Variants in CTNND2 observed in about 807,000 individuals in gnomAD.
CTNND2 encodes the protein catenin delta-2.
Under a neutral mutation model 144.4 loss-of-function variants are expected in CTNND2, and 22 were observed. That is an observed-to-expected ratio of 0.15 (90% CI 0.11 to 0.22). CTNND2 has a LOEUF of 0.22. CTNND2 is among the 10% of genes least tolerant of loss of function. The pLI, the probability that CTNND2 is intolerant of heterozygous loss-of-function variation, is 1.00. For missense variants in CTNND2, 1,353 were observed against 1,618.8 expected (o/e 0.84, Z 2.82); for synonymous variants, 751 against 695.6 (o/e 1.08, Z -1.25).
At chr5:11,589,235 T>C (rs769308577) in intron 2 of CTNND2, among the ~76,000 whole-genome samples, 1 of 151,802 alleles carries the variant, frequency 6.6e-6, no homozygotes. Flanking sequence ...TCCGTTCCTT[T>C]GCTTTGAATG....
chr5:11,631,467 G>A (rs905816863), intron 2 of CTNND2, among the ~76,000 whole-genome samples: 2 of 152,308 alleles, frequency 1.3e-5, no homozygotes, highest in South Asian at 4.1e-4. Context: ...AGGGAAGAGA[G>A]TCTGTGGCAT....
intron 9 of CTNND2, among the ~76,000 whole-genome samples, chr5:11,301,498 C>T (rs896721024): frequency 1.3e-5 from 2 of 152,126 alleles, no homozygotes; most frequent in Admixed American, 6.6e-5. Flanking sequence ...TTAAGACGAA[C>T]AACCACACAT....
intron 3 of CTNND2, among the ~76,000 whole-genome samples, chr5:11,416,336 A>G (rs1156910489): frequency 6.6e-6 from 1 of 152,212 alleles, no homozygotes; most frequent in African/African-American, 2.4e-5. Flanking sequence ...TGAATATAAA[A>G]CTGTCTTTCC....
chr5:11,233,138 A>T (rs577227090), intron 10 of CTNND2, among the ~76,000 whole-genome samples: 1 of 152,264 alleles, frequency 6.6e-6, no homozygotes, highest in East Asian at 1.9e-4. Context: ...ATTTCTTCAT[A>T]GCAGCATGAG....
At chr5:11,516,016 G>C (rs1426166078) in intron 3 of CTNND2, among the ~76,000 whole-genome samples, 1 of 152,018 alleles carries the variant, frequency 6.6e-6, no homozygotes, top group African/African-American at 2.4e-5. Flanking sequence ...TGCGTTGGGG[G>C]AGACTGCTTG....
chr5:11,369,729 G>A (rs767566552), intron 7 of CTNND2, among the ~76,000 whole-genome samples: 1 of 152,164 alleles, frequency 6.6e-6, no homozygotes, highest in Non-Finnish European at 1.5e-5. Flanking sequence ...GAAAAATGAG[G>A]CAGGGCAGTG....
At chr5:11,356,247 T>C (rs1325518799) in intron 8 of CTNND2, among the ~76,000 whole-genome samples, 1 of 151,884 alleles carries the variant, frequency 6.6e-6, no homozygotes, top group Non-Finnish European at 1.5e-5. Context: ...GCCAAAGCAA[T>C]CTTGAGCAAA....
At chr5:11,797,681 T>C (rs1010745181) in intron 1 of CTNND2, among the ~76,000 whole-genome samples, 1 of 152,210 alleles carries the variant, frequency 6.6e-6, no homozygotes, top group Non-Finnish European at 1.5e-5. Flanking sequence ...TAATAAACAA[T>C]TTTCAAACTT....
chr5:11,205,810 A>G (rs16901403), intron 10 of CTNND2, among the ~76,000 whole-genome samples: 2,333 of 152,272 alleles, frequency 0.015, 61 homozygotes, highest in African/African-American at 0.054. Context: ...CGATAGGTGA[A>G]CCAAGATGAG....
At chr5:11,870,561 C>T (rs1735017560) in intron 1 of CTNND2, among the ~76,000 whole-genome samples, 1 of 152,196 alleles carries the variant, frequency 6.6e-6, no homozygotes, top group Non-Finnish European at 1.5e-5. Context: ...TCTCCCTTGG[C>T]TCAATTCCCT....
Position 11,184,045 on chromosome 5 carries a change from C to T in CTNND2, c.1975+15403G>A, listed in dbSNP as rs574429629. Among the ~76,000 whole-genome samples the T allele has an allele frequency of 2.3e-4, 35 of 152,238 alleles. No homozygotes were observed. In the South Asian group the frequency reaches 6.8e-3, roughly 30 times the overall value. ...GCAAAGACTGAAACATAACAAAAAC[C>T]GCTAAAGTTAATGTCCAAGACTTCT... On this transcript the variant is annotated intron_variant, in intron 11 of 21. Coordinates refer to ENST00000304623, the MANE Select transcript of CTNND2 (RefSeq NM_001332.4).
chr5:11,081,725 T>C (rs1749591569), intron 16 of CTNND2, among the ~76,000 whole-genome samples: 1 of 152,160 alleles, frequency 6.6e-6, no homozygotes, highest in Admixed American at 6.5e-5. Context: ...GTGAAAAAAG[T>C]CAGACACAAA....
chr5:11,433,355 C>T (rs1042548642), intron 3 of CTNND2, among the ~76,000 whole-genome samples: 1 of 101,074 alleles, frequency 9.9e-6, no homozygotes, highest in African/African-American at 1.2e-4. Context: ...TGCTGATGCA[C>T]CTGATGCACA....
At chr5:11,879,356 TAC>T (rs1553988825) in intron 1 of CTNND2, among the ~76,000 whole-genome samples, 19 of 141,376 alleles carry the variant, frequency 1.3e-4, no homozygotes, top group Non-Finnish European at 2.5e-4. Flanking sequence ...TATATATATA[TAC>T]ATATACACAC....
rs556394561 is a variant in CTNND2, at chr5:11,386,345, G to C, written c.613-1116C>G. On this transcript the variant is annotated intron_variant, in intron 6 of 21. Coordinates refer to ENST00000304623, the MANE Select transcript of CTNND2 (RefSeq NM_001332.4). Reference sequence around the variant, plus strand: ...TGGGGAGGAGGACTCCAGAGAGATCGAGGGAAGGGAGGAAGAGAAGATTGA... The same window carrying C: ...TGGGGAGGAGGACTCCAGAGAGATCCAGGGAAGGGAGGAAGAGAAGATTGA... Among the ~76,000 whole-genome samples the C allele has an allele frequency of 4.6e-5, 7 of 152,248 alleles. No homozygotes were observed. In the East Asian group the frequency reaches 9.7e-4, roughly 21 times the overall value.
rs542468723 is a variant in CTNND2, at chr5:11,071,600, C to T, written c.2788+11096G>A. Among the ~76,000 whole-genome samples the T allele has an allele frequency of 8.6e-5, 13 of 150,590 alleles. No homozygotes were observed. In the East Asian group the frequency reaches 2.5e-3, roughly 29 times the overall value. On this transcript the variant is annotated intron_variant, in intron 16 of 21. Coordinates refer to ENST00000304623, the MANE Select transcript of CTNND2 (RefSeq NM_001332.4). ...AAAAAAAAAATGAGGCAGCAGAGTT[C>T]ACTTTGTGTCATTCACATCAGGAAA...
intron 1 of CTNND2, among the ~76,000 whole-genome samples, chr5:11,768,944 T>A (rs115667775): frequency 4.6e-5 from 7 of 152,294 alleles, no homozygotes; most frequent in Non-Finnish European, 7.4e-5. Context: ...GTTAACATAA[T>A]CCAGCCCATT....
chr5:11,311,113 A>ACCCTCACCTCACATGCAC (rs1554028412), intron 9 of CTNND2, among the ~76,000 whole-genome samples: 20 of 140,284 alleles, frequency 1.4e-4, no homozygotes, highest in African/African-American at 4.3e-4. Flanking sequence ...CTCTCCATGC[A>ACCCTCACCTCACATGCAC]CCCTCACCTC....
intron 1 of CTNND2, among the ~76,000 whole-genome samples, chr5:11,760,143 C>T (rs1334112985): frequency 6.6e-6 from 1 of 151,358 alleles, no homozygotes; most frequent in African/African-American, 2.4e-5. Context: ...GGATCTAAAG[C>T]ATACATTTTG....
Sources: allele counts gnomAD v4.1 joint callset (sites outside exome capture counted in the v4.1 genomes callset), GRCh38; gene constraint gnomAD v4.1.1; transcripts MANE v1.5; gene names NCBI Gene and HGNC (gene_info 2026-07-23, HGNC 2026-07-21).